Variants in TSNARE1 observed in about 807,000 individuals in gnomAD.
TSNARE1 encodes the protein t-SNARE domain-containing protein 1.
A neutral mutation model predicts 62.0 loss-of-function variants in TSNARE1; 49 were observed. That is an observed-to-expected ratio of 0.79 (90% CI 0.63 to 1.00). TSNARE1 has a LOEUF of 1.00. TSNARE1 is among the 50% of genes least tolerant of loss of function. The pLI is 0.00. For synonymous variants in TSNARE1, 328 were observed against 294.4 expected, an observed-to-expected ratio of 1.11 and a Z score of -1.17; for missense variants, 755 against 700.1, an observed-to-expected ratio of 1.08 and a Z score of -0.88.
chr8:142,292,603 A>C (rs1444476407), intron 10 of TSNARE1, among the ~76,000 whole-genome samples: 1 of 152,148 alleles, frequency 6.6e-6, no homozygotes, highest in African/African-American at 2.4e-5. Context: ...GAGCTCTTCT[A>C]AGGGCTTATT....
At chr8:142,399,165 C>T (rs1838111813) in intron 1 of TSNARE1, among the ~76,000 whole-genome samples, 1 of 152,220 alleles carries the variant, frequency 6.6e-6, no homozygotes, top group Non-Finnish European at 1.5e-5. Context: ...GTTGGTAGTG[C>T]CCTTCTTCTC....
chr8:142,328,823 G>C (rs1336036538), intron 6 of TSNARE1, among the ~76,000 whole-genome samples: 12 of 126,404 alleles, frequency 9.5e-5, no homozygotes, highest in South Asian at 3.0e-4. Flanking sequence ...GCCTTTGGGG[G>C]GGGGGAGGGT....
At chr8:142,370,546 G>C (rs1430818089) in intron 1 of TSNARE1, among the ~76,000 whole-genome samples, 1 of 151,888 alleles carries the variant, frequency 6.6e-6, no homozygotes, top group African/African-American at 2.4e-5. Context: ...CCAGCCTGGG[G>C]GACAGAGTGA....
chr8:142,396,736 C>T (rs1837920792), intron 1 of TSNARE1, among the ~76,000 whole-genome samples: 1 of 152,196 alleles, frequency 6.6e-6, no homozygotes, highest in African/African-American at 2.4e-5. Context: ...TGGGCATTTA[C>T]CACCCCCGTG....
intron 10 of TSNARE1, among the ~76,000 whole-genome samples, chr8:142,297,694 G>C (rs1243681871): frequency 6.6e-6 from 1 of 152,234 alleles, no homozygotes; most frequent in Non-Finnish European, 1.5e-5. Context: ...CGGGCCAGCA[G>C]GGCCTGGCAC....
In TSNARE1 at chr8:142,343,393, G is replaced by A. The variant is rs1012966990; in HGVS notation, c.745+573C>T. 1.7e-4 allele frequency among the ~76,000 whole-genome samples: 26 copies of A among 151,958 alleles called. 1 individual carries two copies. The highest frequency in any genetic ancestry group is 1.4e-3 in the Admixed American group (22 of 15,272). On this transcript the variant is annotated intron_variant, in intron 4 of 13. Coordinates refer to ENST00000524325, the MANE Select transcript of TSNARE1 (RefSeq NM_145003.5). ...GACGCAGCAGGAGGAACATGAGCACGCGTGGCCATGGGGAGCGTCGGCACG... is the reference window on the plus strand; with the variant it reads ...GACGCAGCAGGAGGAACATGAGCACACGTGGCCATGGGGAGCGTCGGCACG...
At chr8:142,398,951 G>A (rs1587164910) in intron 1 of TSNARE1, among the ~76,000 whole-genome samples, 1 of 152,186 alleles carries the variant, frequency 6.6e-6, no homozygotes, top group African/African-American at 2.4e-5. Context: ...TCAGCAAGCC[G>A]CAAGTTGACG....
At chr8:142,381,384 A>G (rs372781483) in intron 1 of TSNARE1, among the ~76,000 whole-genome samples, 10 of 152,236 alleles carry the variant, frequency 6.6e-5, no homozygotes, top group Admixed American at 5.2e-4. Flanking sequence ...GAGCTGCCCA[A>G]CGCACTCCTG....
chr8:142,361,845 CA>C (rs1835188150), intron 1 of TSNARE1, among the ~76,000 whole-genome samples: 1 of 152,200 alleles, frequency 6.6e-6, no homozygotes, highest in African/African-American at 2.4e-5. Flanking sequence ...GTGGCCAGAC[CA>C]CAGCCAGACC....
At chr8:142,235,413 G>A (rs1057168987) in intron 12 of TSNARE1, among the ~76,000 whole-genome samples, 3 of 13,520 alleles carry the variant, frequency 2.2e-4, no homozygotes, top group Non-Finnish European at 3.3e-4. Flanking sequence ...CCCTACCCCC[G>A]GCCCCTTCCT....
intron 12 of TSNARE1, among the ~76,000 whole-genome samples, chr8:142,231,404 G>A (rs4458978): frequency 0.51 from 77,866 of 151,866 alleles, 20,617 homozygotes; most frequent in African/African-American, 0.63. Flanking sequence ...TGTGGGCAGG[G>A]TAATAAGGGG....
At chr8:142,340,610 A>C (rs1486099185) in intron 4 of TSNARE1, among the ~76,000 whole-genome samples, 5 of 149,082 alleles carry the variant, frequency 3.4e-5, no homozygotes, top group South Asian at 4.3e-4. Context: ...TTATGTCAAT[A>C]AAGAAAGAAA....
intron 12 of TSNARE1, among the ~76,000 whole-genome samples, chr8:142,240,969 GC>G (rs1314471330): frequency 6.6e-6 from 1 of 152,200 alleles, no homozygotes; most frequent in African/African-American, 2.4e-5. Flanking sequence ...AGACAAGGGT[GC>G]CGGCTATCAT....
chr8:142,268,663 TCTGA>T (rs760320205), intron 12 of TSNARE1, among the ~76,000 whole-genome samples: 18 of 152,228 alleles, frequency 1.2e-4, no homozygotes, highest in Non-Finnish European at 2.2e-4. Flanking sequence ...AATGTGGGCA[TCTGA>T]CTAACTCCCA....
At chr8:142,270,272 G>GC in intron 12 of TSNARE1, 1 of 985,426 alleles carries the variant, frequency 1.0e-6, no homozygotes, top group Non-Finnish European at 1.2e-6. Flanking sequence ...ATCTGAAGAC[G>GC]CAGGGAAGTG....
At chr8:142,225,020 C>A (rs62512621) in intron 13 of TSNARE1, among the ~76,000 whole-genome samples, 1 of 152,116 alleles carries the variant, frequency 6.6e-6, no homozygotes, top group African/African-American at 2.4e-5. Context: ...CCAAGGGAGG[C>A]GTGGCTGCAG....
intron 1 of TSNARE1, among the ~76,000 whole-genome samples, chr8:142,382,285 G>A (rs975590052): frequency 1.4e-4 from 22 of 152,274 alleles, no homozygotes; most frequent in Admixed American, 1.0e-3. Flanking sequence ...CAGGCACCTC[G>A]TAGACCACGC....
Position 142,321,336 on chromosome 8 carries a change from G to A in TSNARE1, c.894-2702C>T, listed in dbSNP as rs1054231356. 3.3e-5 allele frequency among the ~76,000 whole-genome samples: 5 copies of A among 152,178 alleles called. No individual in the cohort carries two copies. In the South Asian group the frequency reaches 1.0e-3, roughly 32 times the overall value. On this transcript the variant is annotated intron_variant, in intron 6 of 13. Coordinates refer to ENST00000524325, the MANE Select transcript of TSNARE1 (RefSeq NM_145003.5). ...CACACACACAAAGCTAAGGGATGCA[G>A]CTAAAACAGTACTTACAAGGAAATT...
At chr8:142,280,122 G>T in intron 11 of TSNARE1, 1 of 1,123,516 alleles carries the variant, frequency 8.9e-7, no homozygotes, top group South Asian at 1.9e-5. Context: ...GCAGCGCCCC[G>T]AACAGCAGCG....
Sources: allele counts gnomAD v4.1 joint callset (sites outside exome capture counted in the v4.1 genomes callset), GRCh38; gene constraint gnomAD v4.1.1; transcripts MANE v1.5; gene names NCBI Gene and HGNC (gene_info 2026-07-23, HGNC 2026-07-21).